The following DOCK5 variants were observed in gnomAD, a reference collection of about 807,000 sequenced individuals.
DOCK5 encodes dedicator of cytokinesis protein 5.
A neutral mutation model predicts 251.8 loss-of-function variants in DOCK5; 142 were observed. That is an observed-to-expected ratio of 0.56 (90% CI 0.49 to 0.65). The LOEUF (loss-of-function observed/expected upper bound fraction) is 0.65. Among genes scored for constraint, DOCK5 ranks in the 30% least tolerant of loss-of-function variants. The pLI is 0.00. For missense variants in DOCK5, 2,111 were observed against 2,312.3 expected (o/e 0.91, Z 1.79); for synonymous variants, 842 against 835.5 (o/e 1.01, Z -0.13).
chr8:25,230,109 T>C (rs922489362), intron 1 of DOCK5, among the ~76,000 whole-genome samples: 6 of 152,228 alleles, frequency 3.9e-5, no homozygotes, highest in Admixed American at 6.5e-5. Flanking sequence ...TTAAATATTA[T>C]GTAATACTGC....
At chr8:25,388,979 G>A (rs577116339) in intron 40 of DOCK5, 112 bp from the exon 41 acceptor site, 1 of 959,710 alleles carries the variant, frequency 1.0e-6, no homozygotes, top group African/African-American at 1.6e-5. Flanking sequence ...GAACTTGATG[G>A]TGGGGATTGA....
At chr8:25,395,501 G>A in intron 44 of DOCK5, 42 bp from the exon 45 acceptor site, 2 of 1,579,266 alleles carry the variant, frequency 1.3e-6, no homozygotes, top group Non-Finnish European at 1.7e-6. Context: ...TTTACTTGGA[G>A]CTGACAAGTG....
chr8:25,198,280 C>T (rs959848520), intron 1 of DOCK5, among the ~76,000 whole-genome samples: 9 of 152,208 alleles, frequency 5.9e-5, no homozygotes, highest in South Asian at 2.1e-4. Flanking sequence ...AGTTATAAGA[C>T]GAAGTGACGA....
chr8:25,341,357 AT>A (rs1805950656), intron 23 of DOCK5, among the ~76,000 whole-genome samples: 1 of 152,038 alleles, frequency 6.6e-6, no homozygotes, highest in Admixed American at 6.5e-5. Flanking sequence ...TATTATCATA[AT>A]TTTTTTAAAA....
chr8:25,247,515 TG>T (rs1232998602), intron 2 of DOCK5, among the ~76,000 whole-genome samples: 1 of 152,026 alleles, frequency 6.6e-6, no homozygotes, highest in African/African-American at 2.4e-5. Context: ...GAGGATTGCT[TG>T]AGCCTGGGAG....
chr8:25,302,120 G>T (rs991469312), intron 9 of DOCK5, among the ~76,000 whole-genome samples: 1 of 152,196 alleles, frequency 6.6e-6, no homozygotes, highest in Non-Finnish European at 1.5e-5. Context: ...GAACAAAAAA[G>T]CACTTGTTTA....
At chr8:25,230,106 T>A (rs1285344526) in intron 1 of DOCK5, among the ~76,000 whole-genome samples, 2 of 152,334 alleles carry the variant, frequency 1.3e-5, no homozygotes, top group East Asian at 3.9e-4. Flanking sequence ...TGATTAAATA[T>A]TATGTAATAC....
At chr8:25,279,508 C>G (rs1804133192) in intron 5 of DOCK5, among the ~76,000 whole-genome samples, 1 of 151,946 alleles carries the variant, frequency 6.6e-6, no homozygotes, top group South Asian at 2.1e-4. Context: ...ACTCTTTCGC[C>G]CAAGCTGGAC....
intron 2 of DOCK5, among the ~76,000 whole-genome samples, chr8:25,255,451 C>A (rs1396732637): frequency 6.6e-6 from 1 of 152,086 alleles, no homozygotes; most frequent in African/African-American, 2.4e-5. Context: ...CCACATGATT[C>A]CAACTATATG....
chr8:25,332,519 A>T, intron 19 of DOCK5, 84 bp from the exon 20 acceptor site: 1 of 1,284,840 alleles, frequency 7.8e-7, no homozygotes, highest in Non-Finnish European at 1.1e-6. Context: ...AACCTCTTTG[A>T]TTTAAACTAG....
chr8:25,202,502 C>T (rs1028224353), intron 1 of DOCK5, among the ~76,000 whole-genome samples: 2 of 152,168 alleles, frequency 1.3e-5, no homozygotes, highest in Admixed American at 6.5e-5. Flanking sequence ...CGCCACCTTG[C>T]GTGTGAATCC....
chr8:25,205,793 T>C (rs769802654), intron 1 of DOCK5, among the ~76,000 whole-genome samples: 1 of 152,174 alleles, frequency 6.6e-6, no homozygotes, highest in African/African-American at 2.4e-5. Context: ...AATGCTGTGT[T>C]CATCTTCACC....
At chr8:25,231,548 TA>T (rs1396047153) in intron 1 of DOCK5, among the ~76,000 whole-genome samples, 1 of 152,210 alleles carries the variant, frequency 6.6e-6, no homozygotes, top group Admixed American at 6.5e-5. Context: ...GAAACCTCCC[TA>T]AAAACTCACA....
At chr8:25,299,776 AC>A (rs1804713097) in intron 8 of DOCK5, among the ~76,000 whole-genome samples, 1 of 152,166 alleles carries the variant, frequency 6.6e-6, no homozygotes, top group African/African-American at 2.4e-5. Context: ...CTACAGTGGT[AC>A]TACTGTTTAG....
At chr8:25,351,890 A>T (rs1472556513) in intron 27 of DOCK5, 64 bp downstream of exon 27, 5 of 1,414,558 alleles carry the variant, frequency 3.5e-6, no homozygotes, top group Non-Finnish European at 4.9e-6. Context: ...GCCTATCGGG[A>T]GGCCTTCGGG....
At position 25,415,133 on chromosome 8, in the gene DOCK5, G is replaced by A. The variant is rs1405643937; in HGVS notation, c.*3835G>A. 6.6e-6 allele frequency: 1 copy of A among 151,898 alleles called. No homozygotes were observed. The highest frequency in any genetic ancestry group is 2.4e-5 in the African/African-American group (1 of 41,322). The allele number at this position is 151,898 out of a possible 1,614,324, so 9.4% of individuals were successfully genotyped here. ...GGCTATTAAGATAAAAAGATTTGTG[G>A]ACATTAAAATTATGAATATGTCAGT... is the stretch of plus-strand genomic sequence containing the variant. On this transcript the variant is annotated 3_prime_UTR_variant, in exon 52 of 52. Transcript: ENST00000276440.
Position 25,380,376 on chromosome 8 carries a change from G to T in DOCK5, c.4008G>T (p.Glu1336Asp). ...ACGAAAGCAAAGTATTTGACTACGA[G>T]GGCCTTGGCAACCTCCTGGTGAGTC... ...ETYESKVFDY[E>D]GLGNLLKKRA... Residue 1336 changes from glutamate to aspartate, a missense_variant, in exon 39 of 52, where the codon GAG becomes GAT. Physicochemically the swap from Glu to Asp is conservative, Grantham distance 45 (BLOSUM62 2). This residue lies in a region of DOCK5 where 1,717 missense variants were observed against 1,892.4 expected (regional missense o/e 0.91). Coordinates refer to ENST00000276440, the MANE Select transcript of DOCK5 (RefSeq NM_024940.8). 6.2e-7 allele frequency: 1 copy of T among 1,609,884 alleles called. No homozygotes were observed. The highest frequency in any genetic ancestry group is 1.1e-5 in the South Asian group (1 of 90,016).
intron 1 of DOCK5, among the ~76,000 whole-genome samples, chr8:25,241,643 C>T (rs1366850973): frequency 6.6e-6 from 1 of 152,086 alleles, no homozygotes; most frequent in East Asian, 1.9e-4. Context: ...CCAGTAATCC[C>T]ATTACTGGGT....
chr8:25,337,571 G>A (rs933237229), intron 22 of DOCK5, among the ~76,000 whole-genome samples: 3 of 149,614 alleles, frequency 2.0e-5, no homozygotes, highest in Admixed American at 6.6e-5. Context: ...GAGGAAAGAC[G>A]ACCATGATAG....
Sources: allele counts gnomAD v4.1 joint callset (sites outside exome capture counted in the v4.1 genomes callset), GRCh38; gene constraint gnomAD v4.1.1; regional missense constraint gnomAD v4.1.1; transcripts MANE v1.5; gene names NCBI Gene and HGNC (gene_info 2026-07-23, HGNC 2026-07-21).